Variants in MYO3A observed in about 807,000 individuals in gnomAD.
MYO3A encodes myosin IIIA, also known as myosin-IIIa.
MYO3A carries 180 observed loss-of-function variants against 192.7 expected under a neutral mutation model. That is an observed-to-expected ratio of 0.93 (90% confidence interval 0.83 to 1.06). MYO3A has a LOEUF of 1.06. MYO3A is among the 50% of genes least tolerant of loss of function. The pLI, the probability that MYO3A is intolerant of heterozygous loss-of-function variation, is 0.00. For missense variants in MYO3A, 1,896 were observed against 1,905.0 expected (o/e 1.00, Z 0.09); for synonymous variants, 628 against 645.3 (o/e 0.97, Z 0.41).
In MYO3A at chr10:26,147,899, A is replaced by G. The variant is rs186467145; in HGVS notation, c.2635+340A>G. 3.3e-5 allele frequency among the ~76,000 whole-genome samples: 5 copies of G among 152,282 alleles called. No homozygotes were observed. The South Asian group carries it at 6.2e-4, about 19-fold the overall frequency. Reference sequence around the variant, plus strand: ...CTTTTGGATGATTCTTTGAGGTTCCAAAAGTTTGGTGGGCTCTCTTATTGA... The same window carrying G: ...CTTTTGGATGATTCTTTGAGGTTCCGAAAGTTTGGTGGGCTCTCTTATTGA... On this transcript the variant is annotated intron_variant, in intron 23 of 34. Coordinates refer to ENST00000642920, the MANE Select transcript of MYO3A (RefSeq NM_017433.5).
intron 6 of MYO3A, among the ~76,000 whole-genome samples, chr10:26,006,146 A>C (rs922129838): frequency 7.2e-5 from 11 of 152,320 alleles, no homozygotes; most frequent in African/African-American, 2.6e-4. Flanking sequence ...GTACATAACG[A>C]AATGAAGGCA....
chr10:26,016,734 A>G (rs1842004078), intron 6 of MYO3A, 86 bp from the exon 7 acceptor site: 14 of 1,264,318 alleles, frequency 1.1e-5, no homozygotes, highest in Non-Finnish European at 1.6e-5. Context: ...GAATTTTAAT[A>G]TTAGTTTGCA....
At chr10:26,142,983 T>C (rs1427135998) in intron 20 of MYO3A, among the ~76,000 whole-genome samples, 3 of 152,134 alleles carry the variant, frequency 2.0e-5, no homozygotes, top group Non-Finnish European at 4.4e-5. Flanking sequence ...CAGTTCAGAC[T>C]TTAAGGAACA....
chr10:26,095,567 T>C (rs1012006244), intron 15 of MYO3A, among the ~76,000 whole-genome samples: 1 of 152,018 alleles, frequency 6.6e-6, no homozygotes, highest in Non-Finnish European at 1.5e-5. Context: ...AGCCTGAAAG[T>C]GTGATTTTTC....
chr10:26,044,873 T>C (rs1843548955), intron 10 of MYO3A, among the ~76,000 whole-genome samples: 1 of 152,086 alleles, frequency 6.6e-6, no homozygotes, highest in East Asian at 1.9e-4. Flanking sequence ...ACATAACATA[T>C]AGAATATAAC....
At chr10:25,973,929 C>G (rs1158573902) in intron 4 of MYO3A, among the ~76,000 whole-genome samples, 1 of 152,140 alleles carries the variant, frequency 6.6e-6, no homozygotes, top group African/African-American at 2.4e-5. Context: ...ACACCTTATA[C>G]AGAAATTAAT....
At chr10:26,016,707 G>T in intron 6 of MYO3A, 113 bp from the exon 7 acceptor site, 1 of 983,106 alleles carries the variant, frequency 1.0e-6, no homozygotes, top group Admixed American at 1.9e-5. Flanking sequence ...AGGTCCACTG[G>T]CAGGTTTGAG....
At chr10:26,147,592 GA>G (rs750043339) in intron 23 of MYO3A, 33 bp downstream of exon 23, 1 of 1,613,428 alleles carries the variant, frequency 6.2e-7, no homozygotes, top group Non-Finnish European at 8.5e-7. Context: ...GAAGTTTTCT[GA>G]AGCCCAATCA....
At chr10:26,036,330 G>A (rs1338345117) in intron 10 of MYO3A, among the ~76,000 whole-genome samples, 1 of 152,082 alleles carries the variant, frequency 6.6e-6, no homozygotes, top group Admixed American at 6.5e-5. Context: ...GAAATGTTTG[G>A]GAAATGATAA....
chr10:26,035,121 C>A (rs1339809), intron 10 of MYO3A, among the ~76,000 whole-genome samples: 47,423 of 151,926 alleles, frequency 0.31, 7,682 homozygotes, highest in Middle Eastern at 0.43. Context: ...CAGGAAGAAA[C>A]AGATAAAGCT....
intron 32 of MYO3A, among the ~76,000 whole-genome samples, chr10:26,195,664 C>T (rs578016079): frequency 2.0e-4 from 30 of 152,342 alleles, no homozygotes; most frequent in African/African-American, 6.7e-4. Context: ...AAATTGTCCA[C>T]GAACATTTGT....
At chr10:25,958,499 T>C (rs530885420) in intron 4 of MYO3A, among the ~76,000 whole-genome samples, 1 of 148,946 alleles carries the variant, frequency 6.7e-6, no homozygotes, top group South Asian at 2.1e-4. Flanking sequence ...TGTAGCCCTG[T>C]AGTATAGTTT....
At chr10:26,026,336 T>C (rs1335097531) in intron 9 of MYO3A, 41 bp from the exon 10 acceptor site, 2 of 1,608,748 alleles carry the variant, frequency 1.2e-6, no homozygotes, top group African/African-American at 2.7e-5. Context: ...TTCAAAACTC[T>C]AACTTATCTA....
rs548155929 is a variant in MYO3A at position 26,178,582 on chromosome 10, GAAC to G, written c.4438+1749_4438+1751del. 7.7e-4 allele frequency among the ~76,000 whole-genome samples: 116 copies of G among 149,930 alleles called. 1 individual carries two copies. The highest frequency in any genetic ancestry group is 2.5e-3 in the African/African-American group (101 of 41,002). On this transcript the variant is annotated intron_variant, in intron 31 of 34. Coordinates refer to ENST00000642920, the MANE Select transcript of MYO3A (RefSeq NM_017433.5). Reference sequence around the variant, plus strand: ...AAAAAAAAAGCAAAAAGAAGAAAAAGAACAACAACAACAAGGGACAACTTTACC... The same window carrying G: ...AAAAAAAAAGCAAAAAGAAGAAAAAGAACAACAACAAGGGACAACTTTACC...
At position 26,125,538 on chromosome 10, in the gene MYO3A, T is replaced by G; in HGVS notation, c.2044T>G (p.Leu682Val). The G allele has an allele frequency of 6.2e-7, 1 of 1,614,046 alleles. No homozygotes were observed. The highest frequency in any genetic ancestry group is 1.1e-5 in the South Asian group (1 of 91,080). Residue 682 changes from leucine (L) to valine (V), a missense_variant, in exon 19 of 35, where the codon TTA (leucine) becomes GTA (valine). Physicochemically the swap from Leu to Val is conservative, Grantham distance 32. Coordinates refer to ENST00000642920, the MANE Select transcript of MYO3A (RefSeq NM_017433.5). ...TDVRDAMAKT[L>V]YGRLFSWIVN... ...TGTCAGGGATGCCATGGCTAAAACT[T>G]TATATGGACGTCTCTTTAGTTGGAT...
chr10:26,032,574 C>G (rs574835372), intron 10 of MYO3A, among the ~76,000 whole-genome samples: 1 of 152,008 alleles, frequency 6.6e-6, no homozygotes, highest in South Asian at 2.1e-4. Context: ...CCAGATCATG[C>G]CATTGCACTC....
In MYO3A at chr10:26,172,258, C is replaced by T. The variant is rs903889028; in HGVS notation, c.3399-1405C>T. On this transcript the variant is annotated intron_variant, in intron 29 of 34. Coordinates refer to ENST00000642920, the MANE Select transcript of MYO3A (RefSeq NM_017433.5). ...CCTGAAGCGCTTGTTTTCACTTAAC[C>T]ATTCCCTGTCAGAGCCCCTGAACTG... 5.9e-5 allele frequency among the ~76,000 whole-genome samples: 9 copies of T among 152,234 alleles called. 1 individual carries two copies. The highest frequency in any genetic ancestry group is 5.9e-4 in the Admixed American group (9 of 15,286).
At chr10:26,201,702 A>C (rs1385825493) in intron 33 of MYO3A, among the ~76,000 whole-genome samples, 1 of 152,106 alleles carries the variant, frequency 6.6e-6, no homozygotes, top group African/African-American at 2.4e-5. Flanking sequence ...AAAAAAAAAA[A>C]AAAATCACCT....
chr10:26,082,294 C>G (rs1014410209), intron 14 of MYO3A, among the ~76,000 whole-genome samples: 1 of 152,136 alleles, frequency 6.6e-6, no homozygotes, highest in African/African-American at 2.4e-5. Context: ...GTGTACAGAT[C>G]TGTCACCTCC....
Sources: allele counts gnomAD v4.1 joint callset (sites outside exome capture counted in the v4.1 genomes callset), GRCh38; gene constraint gnomAD v4.1.1; transcripts MANE v1.5; gene names NCBI Gene and HGNC (gene_info 2026-07-23, HGNC 2026-07-21).